Variants in CDH13 observed in about 807,000 individuals in gnomAD.
The protein encoded by CDH13 is cadherin 13.
In CDH13, 24 loss-of-function variants were observed where a neutral mutation model predicts 63.8. The observed-to-expected ratio is 0.38, with a 90% CI of 0.27 to 0.53. CDH13 has a LOEUF of 0.53. Among genes scored for constraint, CDH13 ranks in the 20% least tolerant of loss-of-function variants. The pLI, the probability that CDH13 is intolerant of heterozygous loss-of-function variation, is 0.85. For synonymous variants in CDH13, 503 were observed against 355.3 expected (o/e 1.42, Z -4.67); for missense variants, 1,049 against 903.1 (o/e 1.16, Z -2.07).
At chr16:82,903,162 T>C (rs1177003172) in intron 2 of CDH13, among the ~76,000 whole-genome samples, 1 of 152,242 alleles carries the variant, frequency 6.6e-6, no homozygotes, top group Non-Finnish European at 1.5e-5. Context: ...TGTTGACTTA[T>C]TCATAGGATA....
chr16:83,423,431 C>G (rs1193575454), intron 6 of CDH13, among the ~76,000 whole-genome samples: 1 of 151,994 alleles, frequency 6.6e-6, no homozygotes, highest in Non-Finnish European at 1.5e-5. Context: ...GAAGGAAATT[C>G]CAGGAATCCT....
chr16:83,733,898 G>A (rs891908914), intron 10 of CDH13, among the ~76,000 whole-genome samples: 1 of 152,224 alleles, frequency 6.6e-6, no homozygotes, highest in Admixed American at 6.5e-5. Context: ...AGCGCAGCCT[G>A]AGACTTAGGC....
intron 10 of CDH13, among the ~76,000 whole-genome samples, chr16:83,699,863 A>G (rs1716395367): frequency 6.6e-6 from 1 of 152,184 alleles, no homozygotes; most frequent in Non-Finnish European, 1.5e-5. Context: ...ACCCAGCCTC[A>G]GCACATATTG....
At chr16:83,076,066 G>C (rs1215146505) in intron 3 of CDH13, among the ~76,000 whole-genome samples, 1 of 152,068 alleles carries the variant, frequency 6.6e-6, no homozygotes, top group Non-Finnish European at 1.5e-5. Context: ...CGTGAGTTCT[G>C]CTGATTCCAG....
intron 5 of CDH13, among the ~76,000 whole-genome samples, chr16:83,324,100 C>T (rs183117415): frequency 1.3e-5 from 2 of 149,812 alleles, no homozygotes; most frequent in Admixed American, 1.3e-4. Flanking sequence ...TGCAATGGCA[C>T]AATCTTGGGT....
chr16:82,769,811 T>C (rs925396677), intron 1 of CDH13, among the ~76,000 whole-genome samples: 1 of 152,194 alleles, frequency 6.6e-6, no homozygotes, highest in South Asian at 2.1e-4. Flanking sequence ...CCGGAATGCA[T>C]TGCAATTAAA....
At chr16:83,405,950 T>C (rs11862573) in intron 6 of CDH13, among the ~76,000 whole-genome samples, 8,247 of 152,258 alleles carry the variant, frequency 0.054, 216 homozygotes, top group Non-Finnish European at 0.061. Flanking sequence ...GCGTTTGATG[T>C]CCTTGAGCCA....
chr16:83,517,995 G>T (rs1598205394), intron 7 of CDH13, among the ~76,000 whole-genome samples: 1 of 152,156 alleles, frequency 6.6e-6, no homozygotes, highest in Admixed American at 6.5e-5. Flanking sequence ...GTCTGGCTCT[G>T]TGTCCCCACC....
At chr16:83,527,649 G>A (rs2074995075) in intron 7 of CDH13, among the ~76,000 whole-genome samples, 1 of 152,154 alleles carries the variant, frequency 6.6e-6, no homozygotes, top group Non-Finnish European at 1.5e-5. Flanking sequence ...GTAAGTTAGT[G>A]ATGATATATA....
intron 2 of CDH13, among the ~76,000 whole-genome samples, chr16:83,028,586 ATAC>A (rs1391417471): frequency 6.6e-6 from 1 of 152,210 alleles, no homozygotes; most frequent in African/African-American, 2.4e-5. Context: ...CAGTCCGTGG[ATAC>A]TACCCAACCC....
intron 2 of CDH13, among the ~76,000 whole-genome samples, chr16:82,903,250 C>T (rs911669056): frequency 6.6e-6 from 1 of 152,180 alleles, no homozygotes; most frequent in African/African-American, 2.4e-5. Context: ...ACATTTGGCC[C>T]AGCACCTTGG....
At chr16:83,434,350 C>A (rs557556427) in intron 6 of CDH13, among the ~76,000 whole-genome samples, 122 of 152,256 alleles carry the variant, frequency 8.0e-4, no homozygotes, top group Non-Finnish European at 1.3e-3. Flanking sequence ...ACCTACTTCC[C>A]CATTTGTGTG....
At chr16:82,854,425 A>C (rs1235761521) in intron 1 of CDH13, among the ~76,000 whole-genome samples, 2 of 151,730 alleles carry the variant, frequency 1.3e-5, no homozygotes, top group Non-Finnish European at 2.9e-5. Flanking sequence ...AAACAGTAAA[A>C]AGAAATCAGA....
At chr16:83,427,047 C>T (rs1407050118) in intron 6 of CDH13, among the ~76,000 whole-genome samples, 2 of 150,064 alleles carry the variant, frequency 1.3e-5, no homozygotes, top group Non-Finnish European at 3.0e-5. Flanking sequence ...CTGCCTTAGC[C>T]TCCCAGGTAG....
chr16:83,155,310 G>T (rs1343247901), intron 4 of CDH13, among the ~76,000 whole-genome samples: 1 of 152,180 alleles, frequency 6.6e-6, no homozygotes, highest in African/African-American at 2.4e-5. Context: ...ATTGCATGGT[G>T]TCAAAATTAT....
rs2072399093 is a variant in CDH13, at chr16:83,438,825, T to C, written c.782-47652T>C. Among the ~76,000 whole-genome samples the C allele has an allele frequency of 2.0e-5, 3 of 152,200 alleles. No homozygotes were observed. In the South Asian group the frequency reaches 6.2e-4, roughly 32 times the overall value. On this transcript the variant is annotated intron_variant, in intron 6 of 13. Transcript: ENST00000567109. ...CTGTGCCAGAAAGTCTATGCAGCAG[T>C]GACATTGAAAGAACAGAACAATCTA...
intron 5 of CDH13, among the ~76,000 whole-genome samples, chr16:83,250,206 C>G (rs1446873993): frequency 1.3e-5 from 2 of 152,070 alleles, no homozygotes; most frequent in African/African-American, 4.8e-5. Flanking sequence ...CAGATTGCCA[C>G]TATCAGAAAA....
intron 1 of CDH13, among the ~76,000 whole-genome samples, chr16:82,735,545 T>C (rs1162079730): frequency 6.6e-6 from 1 of 152,262 alleles, no homozygotes; most frequent in African/African-American, 2.4e-5. Flanking sequence ...TTCCATAATT[T>C]GTTTCCAATC....
At chr16:82,688,858 G>T (rs777814012) in intron 1 of CDH13, 13 of 152,176 alleles carry the variant, frequency 8.5e-5, no homozygotes, top group Non-Finnish European at 1.3e-4. Flanking sequence ...AGGGAACAGG[G>T]TAACCATGTG....
Sources: gnomAD v4.1 joint callset for allele counts (sites outside exome capture counted in the v4.1 genomes callset) on GRCh38, gnomAD v4.1.1 for gene constraint, MANE v1.5 for transcripts, NCBI Gene and HGNC (gene_info 2026-07-23, HGNC 2026-07-21) for gene names.